UNC5C: variants seen among roughly 807,000 people sequenced by gnomAD.
UNC5C encodes netrin receptor UNC5C.
A neutral mutation model predicts 99.8 loss-of-function variants in UNC5C; 47 were observed. The ratio of observed to expected loss-of-function variants is 0.47; its 90% CI spans 0.37 to 0.60. The LOEUF (loss-of-function observed/expected upper bound fraction) is 0.60, where lower values mean the gene tolerates loss of function less well. UNC5C is among the 20% of genes least tolerant of loss of function. The pLI, the probability that UNC5C is intolerant of heterozygous loss-of-function variation, is 0.00. For missense variants in UNC5C, 1,062 were observed against 1,165.9 expected (o/e 0.91, Z 1.30); for synonymous variants, 487 against 452.2 (o/e 1.08, Z -0.98).
chr4:95,186,624 TA>T (rs886459274), intron 12 of UNC5C, among the ~76,000 whole-genome samples: 6 of 152,134 alleles, frequency 3.9e-5, no homozygotes, highest in African/African-American at 1.2e-4. Context: ...CTATAAGGTG[TA>T]AAAAAATATT....
intron 1 of UNC5C, among the ~76,000 whole-genome samples, chr4:95,487,700 G>C (rs1721365408): frequency 6.6e-6 from 1 of 151,646 alleles, no homozygotes; most frequent in South Asian, 2.1e-4. Flanking sequence ...ATTATAAATA[G>C]AATCTAAATT....
intron 3 of UNC5C, among the ~76,000 whole-genome samples, chr4:95,298,146 C>CA (rs1741729703): frequency 6.6e-6 from 1 of 152,126 alleles, no homozygotes; most frequent in African/African-American, 2.4e-5. Context: ...TACATCCCTA[C>CA]AAAAAAATGC....
In UNC5C at chr4:95,167,329, T is replaced by G. The variant is rs1267457116; in HGVS notation, c.*1905A>C. 1 of 152,246 alleles carries G rather than the reference T, an allele frequency of 6.6e-6. No individual in the cohort carries two copies. The highest frequency in any genetic ancestry group is 2.1e-4 in the South Asian group (1 of 4,838). 9.4% of individuals were successfully genotyped at this position (152,246 alleles called of 1,614,324 possible). ...GCTGAATGAATTGAGTCCTTGTGTT[T>G]GTTAAAGAGCTTGTGATGGTCCCAA... On this transcript the variant is annotated 3_prime_UTR_variant, in exon 16 of 16. Transcript: ENST00000453304.
chr4:95,483,038 AT>A (rs1560851128), intron 1 of UNC5C, among the ~76,000 whole-genome samples: 8 of 81,050 alleles, frequency 9.9e-5, no homozygotes, highest in Non-Finnish European at 1.6e-4. Flanking sequence ...AATAATAATA[AT>A]AATAAAAACA....
chr4:95,385,333 C>G (rs1260609234), intron 1 of UNC5C, among the ~76,000 whole-genome samples: 1 of 152,186 alleles, frequency 6.6e-6, no homozygotes, highest in African/African-American at 2.4e-5. Context: ...TAAACCCGTA[C>G]TGCTGTACTG....
chr4:95,337,367 A>G lies in UNC5C; in HGVS notation c.125-1736T>C, dbSNP rs570284290. On this transcript the variant is annotated intron_variant, in intron 1 of 15. Transcript: ENST00000453304. ...ACTTGAAAAGGAATGATTGCAAGAT[A>G]CAGATGATTGTATACTACCTTACCT... Among the ~76,000 whole-genome samples, 16 of 152,106 alleles carry G rather than the reference A, an allele frequency of 1.1e-4. 1 individual carries two copies. Among genetic ancestry groups the G allele is most frequent in the African/African-American group, 3.8e-4 (16 of 41,566 alleles).
chr4:95,247,121 A>G (rs1739532329), intron 5 of UNC5C, among the ~76,000 whole-genome samples: 1 of 152,150 alleles, frequency 6.6e-6, no homozygotes, highest in African/African-American at 2.4e-5. Context: ...TGGGTGGCAG[A>G]ATTATAGGTA....
chr4:95,456,261 C>T (rs946125168), intron 1 of UNC5C, among the ~76,000 whole-genome samples: 1 of 151,950 alleles, frequency 6.6e-6, no homozygotes, highest in Admixed American at 6.6e-5. Flanking sequence ...AATAAAATTA[C>T]AGTATAAGTT....
Position 95,407,328 on chromosome 4 carries a change from C to G in UNC5C, c.125-71697G>C, listed in dbSNP as rs536885230. On this transcript the variant is annotated intron_variant, in intron 1 of 15. Coordinates refer to ENST00000453304, the MANE Select transcript of UNC5C (RefSeq NM_003728.4). Reference sequence around the variant, plus strand: ...GGAAGATGCTAAAGGGTATGTTTCACCAGCTGTGGGGAGTAAAACATACAA... The same window carrying G: ...GGAAGATGCTAAAGGGTATGTTTCAGCAGCTGTGGGGAGTAAAACATACAA... Among the ~76,000 whole-genome samples the G allele has an allele frequency of 2.0e-4, 31 of 152,012 alleles. No individual in the cohort carries two copies. The South Asian group carries it at 6.2e-3, about 31-fold the overall frequency.
intron 1 of UNC5C, among the ~76,000 whole-genome samples, chr4:95,413,626 G>A (rs1358926603): frequency 3.3e-5 from 5 of 152,134 alleles, no homozygotes; most frequent in Admixed American, 6.5e-5. Context: ...CACAGACTGC[G>A]GAAAGTGTTT....
intron 4 of UNC5C, among the ~76,000 whole-genome samples, chr4:95,251,713 C>A (rs534348020): frequency 6.6e-6 from 1 of 152,086 alleles, no homozygotes; most frequent in Non-Finnish European, 1.5e-5. Flanking sequence ...AATATTGTTG[C>A]CATTTTCAAA....
chr4:95,287,833 A>G (rs533424118), intron 3 of UNC5C, among the ~76,000 whole-genome samples: 1 of 152,298 alleles, frequency 6.6e-6, no homozygotes, highest in Admixed American at 6.5e-5. Context: ...AACAAACTTA[A>G]TCCCAGCCTT....
chr4:95,312,047 A>C (rs1316611872), intron 2 of UNC5C, among the ~76,000 whole-genome samples: 4 of 150,946 alleles, frequency 2.6e-5, no homozygotes, highest in African/African-American at 9.9e-5. Context: ...ATCCAATCTC[A>C]AAAAACAAAC....
chr4:95,191,084 C>T (rs1553951276), intron 12 of UNC5C, among the ~76,000 whole-genome samples: 3 of 152,158 alleles, frequency 2.0e-5, no homozygotes, highest in Non-Finnish European at 4.4e-5. Context: ...CTCCCAGGCT[C>T]TTAGATGAGA....
chr4:95,204,670 A>ATCTT (rs1737811317), intron 11 of UNC5C, among the ~76,000 whole-genome samples: 1 of 152,244 alleles, frequency 6.6e-6, no homozygotes, highest in African/African-American at 2.4e-5. Context: ...CAGAGACAAG[A>ATCTT]GTCAGTCAGT....
intron 1 of UNC5C, among the ~76,000 whole-genome samples, chr4:95,440,021 C>G (rs1746903454): frequency 6.6e-6 from 1 of 152,198 alleles, no homozygotes; most frequent in African/African-American, 2.4e-5. Flanking sequence ...AGACATTTCT[C>G]TCCTGCATTT....
In UNC5C at chr4:95,169,135, A is replaced by C; in HGVS notation, c.*99T>G. On this transcript the variant is annotated 3_prime_UTR_variant, in exon 16 of 16. Transcript: ENST00000453304. Reference sequence around the variant, plus strand: ...TGCTGCAGTCTTGCCTGTGAAGTGCATTGGTCTCATCTGGATTTCCTCCTC... The same window carrying C: ...TGCTGCAGTCTTGCCTGTGAAGTGCCTTGGTCTCATCTGGATTTCCTCCTC... 1 of 1,483,988 alleles carries C rather than the reference A, an allele frequency of 6.7e-7. No homozygotes were observed. Among genetic ancestry groups the C allele is most frequent in the Non-Finnish European group, 9.2e-7 (1 of 1,082,336 alleles). 91.9% of individuals were successfully genotyped at this position (1,483,988 alleles called of 1,614,324 possible). A position where few individuals can be genotyped will look rare whatever the true frequency, so the allele number is the denominator to read the frequency against.
chr4:95,511,939 A>G (rs904162911), intron 1 of UNC5C, among the ~76,000 whole-genome samples: 16 of 152,308 alleles, frequency 1.1e-4, no homozygotes, highest in Admixed American at 9.8e-4. Flanking sequence ...TGCTTTGTTC[A>G]GATCATCTTG....
chr4:95,292,031 T>G (rs906816841), intron 3 of UNC5C, among the ~76,000 whole-genome samples: 1 of 151,958 alleles, frequency 6.6e-6, no homozygotes, highest in Non-Finnish European at 1.5e-5. Context: ...TTCAGGATGC[T>G]TGTTTAAAGA....
Sources: allele counts gnomAD v4.1 joint callset (sites outside exome capture counted in the v4.1 genomes callset), GRCh38; gene constraint gnomAD v4.1.1; transcripts MANE v1.5; gene names NCBI Gene and HGNC (gene_info 2026-07-23, HGNC 2026-07-21).